PTPRR: variants seen among roughly 807,000 people sequenced by gnomAD.
PTPRR encodes the protein protein tyrosine phosphatase receptor type R.
A neutral mutation model predicts 77.2 loss-of-function variants in PTPRR; 38 were observed. The observed-to-expected ratio is 0.49, with a 90% CI of 0.38 to 0.65. The LOEUF (loss-of-function observed/expected upper bound fraction) is 0.65, where lower values mean the gene tolerates loss of function less well. Ranked by LOEUF, PTPRR falls within the 30% of genes least tolerant of loss-of-function variation. The pLI, the probability that PTPRR is intolerant of heterozygous loss-of-function variation, is 0.00. For synonymous variants in PTPRR, 299 were observed against 283.1 expected (o/e 1.06, Z -0.57); for missense variants, 744 against 799.2 (o/e 0.93, Z 0.83).
intron 2 of PTPRR, among the ~76,000 whole-genome samples, chr12:70,869,723 A>T (rs1010096521): frequency 2.6e-5 from 4 of 152,134 alleles, no homozygotes; most frequent in African/African-American, 9.7e-5. Flanking sequence ...GGGCATTGCT[A>T]TAAGGGGACC....
At chr12:70,883,496 G>C (rs1461068431) in intron 2 of PTPRR, among the ~76,000 whole-genome samples, 1 of 152,110 alleles carries the variant, frequency 6.6e-6, no homozygotes, top group African/African-American at 2.4e-5. Flanking sequence ...GGCTTATTTT[G>C]ATAATTTCTC....
intron 2 of PTPRR, among the ~76,000 whole-genome samples, chr12:70,797,053 T>A (rs1891528111): frequency 6.6e-6 from 1 of 152,154 alleles, no homozygotes; most frequent in Admixed American, 6.5e-5. Flanking sequence ...AAATAAGCAA[T>A]AACTGATGAA....
chr12:70,716,753 A>G (rs1023676170), intron 6 of PTPRR, among the ~76,000 whole-genome samples: 1 of 152,208 alleles, frequency 6.6e-6, no homozygotes, highest in African/African-American at 2.4e-5. Flanking sequence ...AGGCTGAGGC[A>G]GGAAGGATCA....
intron 2 of PTPRR, among the ~76,000 whole-genome samples, chr12:70,848,015 A>C (rs1892513232): frequency 6.6e-6 from 1 of 152,166 alleles, no homozygotes; most frequent in Non-Finnish European, 1.5e-5. Context: ...GGGCATGATA[A>C]TAATCTACTA....
At chr12:70,741,830 T>G (rs1890057057) in intron 6 of PTPRR, among the ~76,000 whole-genome samples, 1 of 152,074 alleles carries the variant, frequency 6.6e-6, no homozygotes. Flanking sequence ...GGACCCTCAA[T>G]AGGAGGACTG....
In PTPRR at chr12:70,710,876, T is replaced by A. The variant is rs147512694; in HGVS notation, c.1008-9553A>T. On this transcript the variant is annotated intron_variant, in intron 6 of 13. Transcript: ENST00000283228. ...ACCCTCTCACACCAGTTAGAATGGCTACTATTAAAAAGTCAAAAAATGACA... is the reference window on the plus strand; with the variant it reads ...ACCCTCTCACACCAGTTAGAATGGCAACTATTAAAAAGTCAAAAAATGACA... 4.6e-3 allele frequency among the ~76,000 whole-genome samples: 697 copies of A among 152,200 alleles called. 25 individuals are homozygous for A. The highest frequency in any genetic ancestry group is 0.015 in the East Asian group (79 of 5,182).
intron 2 of PTPRR, among the ~76,000 whole-genome samples, chr12:70,878,082 C>T (rs949626699): frequency 1.3e-5 from 2 of 152,106 alleles, no homozygotes; most frequent in African/African-American, 4.8e-5. Flanking sequence ...TTCCTTACAC[C>T]TTATACAAAA....
chr12:70,694,550 G>A (rs374302556), intron 8 of PTPRR, among the ~76,000 whole-genome samples: 4 of 152,126 alleles, frequency 2.6e-5, no homozygotes, highest in South Asian at 4.2e-4. Flanking sequence ...ATTAACACAG[G>A]AACAGAAAAC....
chr12:70,701,384 G>C (rs984481324), intron 6 of PTPRR, 61 bp from the exon 7 acceptor site: 3 of 1,493,830 alleles, frequency 2.0e-6, no homozygotes, highest in East Asian at 4.6e-5. Context: ...GCAAAAACTT[G>C]TCTTTCTGTA....
At chr12:70,665,191 T>C (rs967694885) in intron 10 of PTPRR, among the ~76,000 whole-genome samples, 5 of 152,098 alleles carry the variant, frequency 3.3e-5, no homozygotes, top group Non-Finnish European at 7.3e-5. Flanking sequence ...AAATTATCTA[T>C]TAATTCTAAG....
rs1885857329 is a variant in PTPRR at position 70,638,636 on chromosome 12, G to A, written c.*548C>T. The A allele has an allele frequency of 6.6e-6, 1 of 152,444 alleles. No individual in the cohort carries two copies. The highest frequency in any genetic ancestry group is 2.4e-5 in the African/African-American group (1 of 41,392). The allele number at this position is 152,444 out of a possible 1,614,324, so 9.4% of individuals were successfully genotyped here. A position where few individuals can be genotyped will look rare whatever the true frequency, so the allele number is the denominator to read the frequency against. ...AAAATAGTTACTGTTTTTGATTTTT[G>A]TTTTTCAAAAACAAAGACTTCTCTG... On this transcript the variant is annotated 3_prime_UTR_variant, in exon 14 of 14. Coordinates refer to ENST00000283228, the MANE Select transcript of PTPRR (RefSeq NM_002849.4).
chr12:70,833,266 T>C (rs1389042846), intron 2 of PTPRR, among the ~76,000 whole-genome samples: 1 of 152,096 alleles, frequency 6.6e-6, no homozygotes, highest in East Asian at 1.9e-4. Context: ...TAAGAAAGCA[T>C]AGAGGTTGCC....
At chr12:70,828,855 G>A (rs1338031899) in intron 2 of PTPRR, among the ~76,000 whole-genome samples, 4 of 152,188 alleles carry the variant, frequency 2.6e-5, no homozygotes, top group East Asian at 1.9e-4. Context: ...TTTGTGGGGC[G>A]GGGGACTCAA....
chr12:70,821,213 C>CTTTTTTTTTTTTTTTTTTTT (rs61539990), intron 2 of PTPRR, among the ~76,000 whole-genome samples: 333 of 31,986 alleles, frequency 0.01, 88 homozygotes, highest in East Asian at 0.046. Flanking sequence ...GGGATCACTG[C>CTTTTTTTTTTTTTTTTTTTT]TTTTTTTTTT....
chr12:70,864,282 G>C (rs1233034769), intron 2 of PTPRR, among the ~76,000 whole-genome samples: 1 of 152,132 alleles, frequency 6.6e-6, no homozygotes, highest in Non-Finnish European at 1.5e-5. Context: ...GCTCTGAAAT[G>C]CTAAGCTTAT....
intron 2 of PTPRR, among the ~76,000 whole-genome samples, chr12:70,846,532 T>C (rs1471391257): frequency 6.6e-6 from 1 of 152,162 alleles, no homozygotes; most frequent in Admixed American, 6.5e-5. Context: ...AAAATTCTTG[T>C]TGAAATCCTA....
chr12:70,829,563 G>C (rs557011877), intron 2 of PTPRR, among the ~76,000 whole-genome samples: 27 of 152,310 alleles, frequency 1.8e-4, no homozygotes, highest in Admixed American at 1.5e-3. Flanking sequence ...GCAGTTAAAA[G>C]ACTATTGTAG....
At chr12:70,802,924 C>T (rs1262636938) in intron 2 of PTPRR, among the ~76,000 whole-genome samples, 1 of 152,062 alleles carries the variant, frequency 6.6e-6, no homozygotes, top group Non-Finnish European at 1.5e-5. Context: ...AACTTTTGGT[C>T]TACATATGTC....
chr12:70,815,559 C>T (rs1485533373), intron 2 of PTPRR, among the ~76,000 whole-genome samples: 2 of 151,918 alleles, frequency 1.3e-5, no homozygotes, highest in Non-Finnish European at 2.9e-5. Flanking sequence ...TTGAGTTTAC[C>T]GTTAATATAA....
Sources: gnomAD v4.1 joint callset for allele counts (sites outside exome capture counted in the v4.1 genomes callset) on GRCh38, gnomAD v4.1.1 for gene constraint, MANE v1.5 for transcripts, NCBI Gene and HGNC (gene_info 2026-07-23, HGNC 2026-07-21) for gene names.